The following CDC42BPB variants were observed in gnomAD, a reference collection of about 807,000 sequenced individuals.
CDC42BPB encodes serine/threonine-protein kinase MRCK beta.
Under a neutral mutation model 214.9 loss-of-function variants are expected in CDC42BPB, and 37 were observed. That is an observed-to-expected ratio of 0.17 (90% CI 0.13 to 0.23). The LOEUF (loss-of-function observed/expected upper bound fraction) is 0.23, where lower values mean the gene tolerates loss of function less well. CDC42BPB is among the 10% of genes least tolerant of loss of function. The pLI, the probability that CDC42BPB is intolerant of heterozygous loss-of-function variation, is 1.00. For synonymous variants in CDC42BPB, 931 were observed against 884.0 expected, an observed-to-expected ratio of 1.05 and a Z score of -0.94; for missense variants, 1,694 against 2,227.0, an observed-to-expected ratio of 0.76 and a Z score of 4.82.
At chr14:102,963,614 G>C (rs912799561) in intron 19 of CDC42BPB, among the ~76,000 whole-genome samples, 3 of 152,238 alleles carry the variant, frequency 2.0e-5, no homozygotes, top group Admixed American at 6.5e-5. Context: ...CTGCCACGGG[G>C]AACACCTGGC....
At position 102,970,160 on chromosome 14, in the gene CDC42BPB, C is replaced by T. The variant is rs1893410736; in HGVS notation, c.1986G>A (p.Glu662=). The change falls in exon 14 of 37, where the codon GAG becomes GAA. Residue 662 remains glutamate (E), a synonymous_variant. Transcript: ENST00000361246. The part of the protein sequence containing the change: ...NFCKQMESEL[E]ALKVKQGGRG... Reference sequence around the variant, plus strand: ...CCCCGCCCAGCACTACCTTGAGGGCCTCCAGCTCGCTTTCCATTTGCTTGC... The same window carrying T: ...CCCCGCCCAGCACTACCTTGAGGGCTTCCAGCTCGCTTTCCATTTGCTTGC... The T allele has an allele frequency of 6.2e-7, 1 of 1,612,880 alleles. No homozygotes were observed.
intron 1 of CDC42BPB, among the ~76,000 whole-genome samples, chr14:103,049,999 A>G (rs1438227285): frequency 2.0e-5 from 3 of 152,226 alleles, no homozygotes; most frequent in Admixed American, 6.5e-5. Flanking sequence ...GCATGAGCCA[A>G]CACACCCGGC....
intron 1 of CDC42BPB, among the ~76,000 whole-genome samples, chr14:103,048,630 C>T (rs1888432942): frequency 6.7e-6 from 1 of 149,552 alleles, no homozygotes; most frequent in Non-Finnish European, 1.5e-5. Context: ...ATGGTGTGAA[C>T]CCAGGAGGCG....
chr14:102,973,514 G>C (rs1893579910), intron 12 of CDC42BPB, among the ~76,000 whole-genome samples: 1 of 152,210 alleles, frequency 6.6e-6, no homozygotes, highest in Non-Finnish European at 1.5e-5. Context: ...GCAGTTCCCT[G>C]TCATTACTAA....
Position 102,950,501 on chromosome 14 carries a change from G to A in CDC42BPB, c.3274C>T (p.Arg1092Ter), listed in dbSNP as rs1260927406. The change falls in exon 25 of 37, where the codon CGA (arginine) becomes TGA (stop). Residue 1092 changes from arginine to a stop codon, truncating the protein, a stop_gained. Transcript: ENST00000361246. LOFTEE classifies it high-confidence loss of function. ...SKRPLGVDVQ[R>*]GIGTAYKGHV... The stretch of plus-strand genomic sequence containing the variant: ...CCTTTGTAGGCTGTTCCGATGCCTC[G>A]CTGCACGTCCACGCCCAGAGGCCTC... The A allele has an allele frequency of 6.2e-7, 1 of 1,613,258 alleles. No homozygotes were observed. The highest frequency in any genetic ancestry group is 8.5e-7 in the Non-Finnish European group (1 of 1,179,960).
chr14:103,032,886 G>C (rs1181244711), intron 1 of CDC42BPB, among the ~76,000 whole-genome samples: 1 of 148,638 alleles, frequency 6.7e-6, no homozygotes, highest in Non-Finnish European at 1.5e-5. Context: ...CAAAGTGCTA[G>C]GATTACAGGC....
chr14:103,032,049 A>T (rs2139708397), intron 1 of CDC42BPB, among the ~76,000 whole-genome samples: 1 of 151,742 alleles, frequency 6.6e-6, no homozygotes, highest in East Asian at 1.9e-4. Context: ...AGCAAGCAGC[A>T]GAGGGAGCCA....
chr14:103,053,153 G>T (rs1595200418), intron 1 of CDC42BPB, among the ~76,000 whole-genome samples: 1 of 151,360 alleles, frequency 6.6e-6, no homozygotes, highest in Non-Finnish European at 1.5e-5. Context: ...TTTAAGACCA[G>T]CCTGGCCAAG....
intron 1 of CDC42BPB, among the ~76,000 whole-genome samples, chr14:103,019,184 T>C (rs1886632533): frequency 1.3e-5 from 2 of 152,212 alleles, no homozygotes; most frequent in South Asian, 4.1e-4. Context: ...TCCTCCCGCC[T>C]TGGCCTCCCA....
chr14:102,974,306 A>C (rs1057214281), intron 11 of CDC42BPB, 157 bp from the exon 12 acceptor site: 253 of 984,670 alleles, frequency 2.6e-4, no homozygotes, highest in Non-Finnish European at 3.0e-4. Flanking sequence ...ACACACACAC[A>C]CACACACACA....
chr14:102,989,897 T>C (rs547258384), intron 5 of CDC42BPB, among the ~76,000 whole-genome samples: 1 of 150,580 alleles, frequency 6.6e-6, no homozygotes, highest in East Asian at 1.9e-4. Context: ...AAGAGCTCCA[T>C]GAATTGATAT....
intron 11 of CDC42BPB, 96 bp downstream of exon 11, chr14:102,975,588 C>T: frequency 3.9e-6 from 5 of 1,291,866 alleles, no homozygotes; most frequent in Admixed American, 2.2e-5. Flanking sequence ...AGCTTTTTTT[C>T]TGCTTTCCCA....
rs1167097758 is a variant in CDC42BPB at position 102,970,159 on chromosome 14, C to T, written c.1987G>A (p.Ala663Thr). 5.0e-6 allele frequency: 8 copies of T among 1,612,528 alleles called. No individual in the cohort carries two copies. The East Asian group carries it at 8.9e-5, about 18-fold the overall frequency. ...FCKQMESELEALKVKQGGRGA... is the reference protein window; with the variant it reads ...FCKQMESELETLKVKQGGRGA... ...CCCCCGCCCAGCACTACCTTGAGGG[C>T]CTCCAGCTCGCTTTCCATTTGCTTG... is the stretch of plus-strand genomic sequence containing the variant. Residue 663 changes from alanine (A) to threonine (T), a missense_variant, in exon 14 of 37, where the codon GCC becomes ACC. Ala to Thr is a moderately conservative substitution (Grantham distance 58). Around this residue, in one of 7 missense-constraint regions of CDC42BPB, gnomAD observed 462 missense variants for 513.5 expected, o/e 0.90. Coordinates refer to ENST00000361246, the MANE Select transcript of CDC42BPB (RefSeq NM_006035.4).
In CDC42BPB at chr14:102,946,454, C is replaced by G; in HGVS notation, c.3748+14G>C. On this transcript the variant is annotated intron_variant, in intron 28 of 36. Transcript: ENST00000361246. ...TGCTTCAGACACCTGAAGGACACAACCTTTGGGACGTACCCACGATGGCAG... is the reference window on the plus strand; with the variant it reads ...TGCTTCAGACACCTGAAGGACACAAGCTTTGGGACGTACCCACGATGGCAG... The G allele has an allele frequency of 6.2e-7, 1 of 1,612,306 alleles. No homozygotes were observed. Among genetic ancestry groups the G allele is most frequent in the South Asian group, 1.1e-5 (1 of 91,042 alleles).
intron 30 of CDC42BPB, chr14:102,940,596 A>AAAT (rs1389440891): frequency 2.4e-6 from 2 of 830,610 alleles, no homozygotes; most frequent in African/African-American, 3.4e-5. Context: ...GGTGACTTTT[A>AAAT]AAAAGTCTGG....
At chr14:103,033,021 T>C (rs977817367) in intron 1 of CDC42BPB, among the ~76,000 whole-genome samples, 2 of 152,138 alleles carry the variant, frequency 1.3e-5, no homozygotes, top group Admixed American at 1.3e-4. Context: ...TTATTATGGC[T>C]ATGTTTTTAA....
At chr14:102,954,929 G>C in intron 21 of CDC42BPB, 1 of 379,322 alleles carries the variant, frequency 2.6e-6, no homozygotes, top group Non-Finnish European at 3.6e-6. Flanking sequence ...TGATTGCGTG[G>C]GCAGGTGGAG....
chr14:103,008,028 A>C (rs1212392005), intron 3 of CDC42BPB, among the ~76,000 whole-genome samples: 1 of 151,776 alleles, frequency 6.6e-6, no homozygotes, highest in Non-Finnish European at 1.5e-5. Flanking sequence ...CGGAACTAAG[A>C]AAAAGGAGCT....
At chr14:102,951,865 A>T (rs955596438) in intron 24 of CDC42BPB, among the ~76,000 whole-genome samples, 1 of 152,218 alleles carries the variant, frequency 6.6e-6, no homozygotes, top group Non-Finnish European at 1.5e-5. Context: ...TTATCTTTAG[A>T]TAATTTGACA....
Sources: gnomAD v4.1 joint callset for allele counts (sites outside exome capture counted in the v4.1 genomes callset) on GRCh38, gnomAD v4.1.1 for gene constraint, gnomAD v4.1.1 regional missense constraint, MANE v1.5 for transcripts, NCBI Gene and HGNC (gene_info 2026-07-23, HGNC 2026-07-21) for gene names.